Variants in DLG2 observed in about 807,000 individuals in gnomAD.
The protein encoded by DLG2 is discs large MAGUK scaffold protein 2.
DLG2 carries 45 observed loss-of-function variants against 132.5 expected under a neutral mutation model. The observed-to-expected ratio is 0.34, with a 90% CI of 0.27 to 0.44. The LOEUF is 0.44. DLG2 is among the 20% of genes least tolerant of loss of function. DLG2 has a pLI of 1.00. For synonymous variants in DLG2, 424 were observed against 419.6 expected (o/e 1.01, Z -0.13); for missense variants, 1,045 against 1,196.9 (o/e 0.87, Z 1.87).
At chr11:84,842,791 T>C (rs1360273832) in intron 6 of DLG2, among the ~76,000 whole-genome samples, 1 of 151,814 alleles carries the variant, frequency 6.6e-6, no homozygotes, top group African/African-American at 2.4e-5. Context: ...TCTGGACAGA[T>C]ATTTGTGTGT....
chr11:83,843,344 G>A (rs2058009053), intron 16 of DLG2, among the ~76,000 whole-genome samples: 2 of 152,206 alleles, frequency 1.3e-5, no homozygotes, highest in African/African-American at 2.4e-5. Context: ...CTGAGGCCAG[G>A]TACAATCTCC....
chr11:83,701,148 C>T (rs2082867640), intron 18 of DLG2, among the ~76,000 whole-genome samples: 1 of 152,024 alleles, frequency 6.6e-6, no homozygotes, highest in Non-Finnish European at 1.5e-5. Flanking sequence ...CTTTGGGTAG[C>T]TGCCATATTG....
At chr11:84,498,987 C>T (rs1227610621) in intron 7 of DLG2, among the ~76,000 whole-genome samples, 5 of 152,160 alleles carry the variant, frequency 3.3e-5, no homozygotes, top group African/African-American at 9.7e-5. Flanking sequence ...AAAGCTGCAC[C>T]TAGAACCTAC....
At chr11:84,740,129 A>G (rs1351355578) in intron 6 of DLG2, among the ~76,000 whole-genome samples, 1 of 152,026 alleles carries the variant, frequency 6.6e-6, no homozygotes, top group Non-Finnish European at 1.5e-5. Flanking sequence ...GACCAAAGTA[A>G]TAGAAAAACA....
chr11:85,039,069 G>A (rs1263362224), intron 6 of DLG2, among the ~76,000 whole-genome samples: 1 of 151,868 alleles, frequency 6.6e-6, no homozygotes, highest in African/African-American at 2.4e-5. Flanking sequence ...CTTCTAAAGA[G>A]ATTTTAAATT....
intron 15 of DLG2, among the ~76,000 whole-genome samples, chr11:83,893,074 C>T (rs149248015): frequency 1.8e-4 from 28 of 152,214 alleles, no homozygotes; most frequent in African/African-American, 6.0e-4. Flanking sequence ...CATCATACTC[C>T]ATACCCAATC....
intron 6 of DLG2, among the ~76,000 whole-genome samples, chr11:84,605,080 G>A (rs114919405): frequency 0.02 from 3,107 of 151,896 alleles, 107 homozygotes; most frequent in African/African-American, 0.07. Context: ...TTCAAGGCTA[G>A]TACATAAAAA....
chr11:85,137,718 C>G (rs1019498801), intron 5 of DLG2, among the ~76,000 whole-genome samples: 3 of 152,126 alleles, frequency 2.0e-5, no homozygotes, highest in African/African-American at 7.2e-5. Context: ...AAGGAAATAA[C>G]AAGAAATCCA....
intron 18 of DLG2, among the ~76,000 whole-genome samples, chr11:83,674,651 G>T (rs1475576042): frequency 2.0e-5 from 3 of 152,246 alleles, no homozygotes; most frequent in African/African-American, 4.8e-5. Flanking sequence ...GCCCTGGGAA[G>T]CATTTCCTAC....
intron 6 of DLG2, among the ~76,000 whole-genome samples, chr11:84,693,540 T>TA (rs1164558001): frequency 6.6e-6 from 1 of 151,694 alleles, no homozygotes; most frequent in Admixed American, 6.6e-5. Flanking sequence ...CATAACAGCA[T>TA]ATCCACGTTC....
At chr11:83,662,380 A>AC (rs1200586975) in intron 18 of DLG2, among the ~76,000 whole-genome samples, 3 of 152,024 alleles carry the variant, frequency 2.0e-5, no homozygotes, top group African/African-American at 4.8e-5. Flanking sequence ...CAAAGACACG[A>AC]CCCCCAGCTC....
intron 12 of DLG2, among the ~76,000 whole-genome samples, chr11:83,967,841 T>C (rs1210082501): frequency 1.3e-5 from 2 of 152,162 alleles, no homozygotes; most frequent in Admixed American, 1.3e-4. Flanking sequence ...TCTAGAAATT[T>C]TATGGTTTTA....
intron 4 of DLG2, among the ~76,000 whole-genome samples, chr11:85,272,162 G>A (rs1273166205): frequency 6.6e-6 from 1 of 152,248 alleles, no homozygotes; most frequent in South Asian, 2.1e-4. Context: ...GGTCTCACAA[G>A]ACTTGATGGT....
At chr11:85,248,857 G>A (rs2076262673) in intron 4 of DLG2, among the ~76,000 whole-genome samples, 1 of 152,056 alleles carries the variant, frequency 6.6e-6, no homozygotes, top group Admixed American at 6.6e-5. Flanking sequence ...GGTAACCAAA[G>A]TCAAGGAGTG....
At chr11:83,654,902 A>C (rs529486143) in intron 18 of DLG2, among the ~76,000 whole-genome samples, 3 of 152,350 alleles carry the variant, frequency 2.0e-5, no homozygotes, top group Non-Finnish European at 4.4e-5. Context: ...GGGCATGGAT[A>C]AGATGTCTTG....
At chr11:83,870,270 G>A (rs537286972) in intron 16 of DLG2, among the ~76,000 whole-genome samples, 3 of 152,198 alleles carry the variant, frequency 2.0e-5, no homozygotes, top group African/African-American at 7.2e-5. Context: ...ATTTCGCACT[G>A]TCCAACCTCC....
intron 6 of DLG2, among the ~76,000 whole-genome samples, chr11:84,678,625 G>A (rs761258774): frequency 2.2e-4 from 34 of 152,170 alleles, no homozygotes; most frequent in Middle Eastern, 3.4e-3. Flanking sequence ...TTGAAAAGAT[G>A]CCTGGCACAT....
At chr11:84,888,144 A>T (rs1351649743) in intron 6 of DLG2, among the ~76,000 whole-genome samples, 1 of 152,134 alleles carries the variant, frequency 6.6e-6, no homozygotes, top group African/African-American at 2.4e-5. Context: ...TTACATGTCA[A>T]CTTGGCTGGG....
At chr11:85,558,553 A>G (rs2077053474) in intron 3 of DLG2, among the ~76,000 whole-genome samples, 1 of 151,972 alleles carries the variant, frequency 6.6e-6, no homozygotes, top group Admixed American at 6.6e-5. Flanking sequence ...GTGCCCATCA[A>G]TAGTGGACTG....
Sources: gnomAD v4.1 joint callset for allele counts (sites outside exome capture counted in the v4.1 genomes callset) on GRCh38, gnomAD v4.1.1 for gene constraint, MANE v1.5 for transcripts, NCBI Gene and HGNC (gene_info 2026-07-23, HGNC 2026-07-21) for gene names.